PCDH15: variants seen among roughly 807,000 people sequenced by gnomAD.
PCDH15 encodes the protein protocadherin related 15, also known as protocadherin-15.
A neutral mutation model predicts 178.5 loss-of-function variants in PCDH15; 129 were observed. The ratio of observed to expected loss-of-function variants is 0.72; its 90% confidence interval spans 0.63 to 0.84. The LOEUF (loss-of-function observed/expected upper bound fraction) is 0.84, where lower values mean the gene tolerates loss of function less well. PCDH15 is among the 40% of genes least tolerant of loss of function. The pLI is 0.00. For missense variants in PCDH15, 2,230 were observed against 2,099.9 expected, an observed-to-expected ratio of 1.06 and a Z score of -1.21; for synonymous variants, 800 against 732.0, an observed-to-expected ratio of 1.09 and a Z score of -1.50.
intron 28 of PCDH15, 79 bp from the exon 29 acceptor site, chr10:53,840,575 C>A (rs1024169699): frequency 3.8e-6 from 5 of 1,323,416 alleles, no homozygotes; most frequent in Middle Eastern, 1.8e-4. Context: ...CTTGAAAAGA[C>A]ATTTAGTAAA....
At chr10:53,888,304 A>ATACATATATATATG (rs1554845194) in intron 26 of PCDH15, among the ~76,000 whole-genome samples, 3 of 88,974 alleles carry the variant, frequency 3.4e-5, no homozygotes, top group African/African-American at 1.7e-4. Context: ...ATATATATAT[A>ATACATATATATATG]TATATGTATA....
chr10:55,137,766 T>C (rs1838238002), intron 2 of PCDH15, among the ~76,000 whole-genome samples: 2 of 152,104 alleles, frequency 1.3e-5, no homozygotes, highest in Non-Finnish European at 2.9e-5. Flanking sequence ...ATTATGAGCT[T>C]ACAGAAGAGT....
intron 9 of PCDH15, among the ~76,000 whole-genome samples, chr10:54,228,738 C>T (rs111728941): frequency 1.3e-5 from 2 of 152,102 alleles, no homozygotes; most frequent in Non-Finnish European, 1.5e-5. Context: ...TCTATTCAGG[C>T]CCTCAATGGA....
intron 2 of PCDH15, among the ~76,000 whole-genome samples, chr10:55,448,914 T>C (rs1839374080): frequency 6.6e-6 from 1 of 152,054 alleles, no homozygotes; most frequent in South Asian, 2.1e-4. Context: ...GAATTAATTG[T>C]TAATTAAACA....
intron 2 of PCDH15, among the ~76,000 whole-genome samples, chr10:55,500,232 C>G (rs1016431254): frequency 6.6e-6 from 1 of 151,550 alleles, no homozygotes; most frequent in Non-Finnish European, 1.5e-5. Context: ...TTAAAATTTC[C>G]TATAGTTGCA....
chr10:54,401,372 T>C (rs1385351911), intron 3 of PCDH15, among the ~76,000 whole-genome samples: 1 of 151,706 alleles, frequency 6.6e-6, no homozygotes, highest in Non-Finnish European at 1.5e-5. Flanking sequence ...AAAAAAAAAA[T>C]TGACATTTTA....
At chr10:54,143,759 G>A (rs1728867069) in intron 14 of PCDH15, among the ~76,000 whole-genome samples, 1 of 152,052 alleles carries the variant, frequency 6.6e-6, no homozygotes, top group Non-Finnish European at 1.5e-5. Context: ...ATTAAGTAGA[G>A]TATACTTTTG....
At chr10:54,913,941 A>G (rs1169958680) in intron 2 of PCDH15, among the ~76,000 whole-genome samples, 1 of 152,154 alleles carries the variant, frequency 6.6e-6, no homozygotes, top group Non-Finnish European at 1.5e-5. Context: ...GTATCTTAGA[A>G]CTAACTATCT....
At chr10:54,073,823 T>C (rs961022483) in intron 17 of PCDH15, among the ~76,000 whole-genome samples, 24 of 152,232 alleles carry the variant, frequency 1.6e-4, no homozygotes, top group Non-Finnish European at 3.1e-4. Context: ...TGATCACTGT[T>C]CGCATATTTA....
chr10:54,240,626 C>CTTTTTTTTTTT (rs1228784141), intron 8 of PCDH15, among the ~76,000 whole-genome samples: 1 of 79,660 alleles, frequency 1.3e-5, no homozygotes, highest in Non-Finnish European at 2.3e-5. Flanking sequence ...TTTTCTTTTG[C>CTTTTTTTTTTT]TTTTTTTTTT....
intron 1 of PCDH15, among the ~76,000 whole-genome samples, chr10:55,308,694 A>T (rs2132286166): frequency 6.6e-6 from 1 of 152,296 alleles, no homozygotes; most frequent in East Asian, 1.9e-4. Flanking sequence ...ACCTGTTCCT[A>T]CTTACCTTAG....
At chr10:54,276,494 T>C (rs2058358180) in intron 8 of PCDH15, among the ~76,000 whole-genome samples, 1 of 151,670 alleles carries the variant, frequency 6.6e-6, no homozygotes, top group Non-Finnish European at 1.5e-5. Flanking sequence ...CTGAATACCA[T>C]GTGGTGGTGA....
chr10:54,405,717 TTACATGCAATATTTGTAGTGG>T (rs1410575097), intron 3 of PCDH15, among the ~76,000 whole-genome samples: 3 of 151,554 alleles, frequency 2.0e-5, no homozygotes, highest in Non-Finnish European at 4.4e-5. Context: ...AAACTAAAAA[TTACATGCAATATTTGTAGTGG>T]TACAAATATA....
intron 20 of PCDH15, among the ~76,000 whole-genome samples, chr10:53,998,432 G>A (rs1015472959): frequency 2.6e-5 from 4 of 152,064 alleles, no homozygotes; most frequent in Admixed American, 6.6e-5. Context: ...GGTGTAGGTA[G>A]CTAACAGGAG....
chr10:54,717,521 C>A (rs758493636), intron 1 of PCDH15, among the ~76,000 whole-genome samples: 3 of 145,910 alleles, frequency 2.1e-5, no homozygotes, highest in Non-Finnish European at 3.0e-5. Context: ...TGCTCACCAT[C>A]ACTGGCCATC....
chr10:54,356,504 C>A (rs116813857), intron 5 of PCDH15, among the ~76,000 whole-genome samples: 3 of 151,390 alleles, frequency 2.0e-5, no homozygotes, highest in East Asian at 1.9e-4. Context: ...ATATAGTATA[C>A]ATTATATATA....
chr10:55,104,098 C>T (rs1842627017), intron 2 of PCDH15, among the ~76,000 whole-genome samples: 1 of 151,802 alleles, frequency 6.6e-6, no homozygotes, highest in Non-Finnish European at 1.5e-5. Context: ...ATAAACAAAA[C>T]AATTTCGTTT....
At chr10:54,899,881 A>G (rs1303508177) in intron 2 of PCDH15, among the ~76,000 whole-genome samples, 1 of 152,058 alleles carries the variant, frequency 6.6e-6, no homozygotes, top group African/African-American at 2.4e-5. Context: ...TCAGTAGAAA[A>G]TAATTTTTAG....
At chr10:55,088,434 A>G (rs940796045) in intron 2 of PCDH15, among the ~76,000 whole-genome samples, 1 of 151,756 alleles carries the variant, frequency 6.6e-6, no homozygotes, top group Non-Finnish European at 1.5e-5. Flanking sequence ...ATGCCAGGTT[A>G]ATTTTTTTGT....
Sources: allele counts gnomAD v4.1 joint callset (sites outside exome capture counted in the v4.1 genomes callset), GRCh38; gene constraint gnomAD v4.1.1; transcripts MANE v1.5; gene names NCBI Gene and HGNC (gene_info 2026-07-23, HGNC 2026-07-21).